Variants in ZP2 observed in about 807,000 individuals in gnomAD.
The protein encoded by ZP2 is zona pellucida sperm-binding protein 2.
In ZP2, 51 loss-of-function variants were observed where a neutral mutation model predicts 84.0. The ratio of observed to expected loss-of-function variants is 0.61; its 90% confidence interval spans 0.49 to 0.77. The LOEUF (loss-of-function observed/expected upper bound fraction) is 0.77. ZP2 is among the 30% of genes least tolerant of loss of function. The pLI, the probability that ZP2 is intolerant of heterozygous loss-of-function variation, is 0.00. For missense variants in ZP2, 909 were observed against 911.9 expected (o/e 1.00, Z 0.04); for synonymous variants, 375 against 330.9 (o/e 1.13, Z -1.45).
intron 3 of ZP2, 103 bp from the exon 4 acceptor site, chr16:21,209,828 T>TC: frequency 1.0e-6 from 1 of 990,392 alleles, no homozygotes; most frequent in South Asian, 1.4e-5. Flanking sequence ...GGTACTTCAG[T>TC]CCCTTCACTT....
chr16:21,211,815 A>G (rs922270795), upstream of ZP2: 7 of 1,397,402 alleles, frequency 5.0e-6, no homozygotes, highest in African/African-American at 5.8e-5. Context: ...TGTTTTCCCT[A>G]TAACTATGGG....
At chr16:21,209,524 G>C in intron 4 of ZP2, 107 bp downstream of exon 4, 1 of 938,764 alleles carries the variant, frequency 1.1e-6, no homozygotes, top group Non-Finnish European at 1.7e-6. Flanking sequence ...CCCCTTGGTT[G>C]AGAGCCACTG....
intron 13 of ZP2, 35 bp from the exon 14 acceptor site, chr16:21,201,593 G>A (rs1280808620): frequency 6.9e-6 from 11 of 1,601,478 alleles, no homozygotes; most frequent in South Asian, 1.1e-5. Flanking sequence ...GTTAATGGCT[G>A]CAACACAGAT....
chr16:21,200,267 G>T (rs918299754), intron 14 of ZP2, among the ~76,000 whole-genome samples: 2 of 152,066 alleles, frequency 1.3e-5, no homozygotes, highest in African/African-American at 4.8e-5. Flanking sequence ...GTGAAACCCC[G>T]TTTCTACTAA....
intron 3 of ZP2, 70 bp downstream of exon 3, chr16:21,210,039 A>G (rs1290892379): frequency 2.1e-5 from 30 of 1,419,038 alleles, no homozygotes; most frequent in African/African-American, 5.6e-5. Context: ...TCTGCTCCCC[A>G]AACAGGATTG....
intron 9 of ZP2, among the ~76,000 whole-genome samples, 175 bp from the exon 10 acceptor site, chr16:21,203,426 C>T (rs2093235421): frequency 6.6e-6 from 1 of 152,114 alleles, no homozygotes; most frequent in Admixed American, 6.5e-5. Context: ...GATGTATCCC[C>T]AGGCAGATTT....
At chr16:21,214,262 C>T (rs565680915), upstream of ZP2, 1,055 of 985,194 alleles carry the variant, frequency 1.1e-3, no homozygotes, top group Non-Finnish European at 1.2e-3. Context: ...GGACAGCCAC[C>T]GAACAAATGG....
intron 9 of ZP2, chr16:21,203,676 G>A (rs375124665): frequency 4.1e-5 from 16 of 385,632 alleles, no homozygotes; most frequent in East Asian, 2.4e-4. Flanking sequence ...GCAACAGTAC[G>A]GGACCCTTTT....
intron 17 of ZP2, 142 bp downstream of exon 17, chr16:21,198,637 C>CTACTTCTGA: frequency 1.5e-6 from 1 of 654,976 alleles, no homozygotes; most frequent in Non-Finnish European, 2.6e-6. Context: ...TAATAGAAGC[C>CTACTTCTGA]TACTTCTGGG....
In ZP2 at chr16:21,209,595, G is replaced by A. The variant is rs755585779; in HGVS notation, c.330+36C>T. 20 of 1,596,222 alleles carry A rather than the reference G, an allele frequency of 1.3e-5. No homozygotes were observed. In the Middle Eastern group the frequency reaches 5.0e-4, roughly 40 times the overall value. ...CTGCCAGTAACTCTTAGGTTACTAC[G>A]TACTTCCCCAAGAACTGCTCAAAGC... is the stretch of plus-strand genomic sequence containing the variant. On this transcript the variant is annotated intron_variant, in intron 4 of 18. Coordinates refer to ENST00000574091, the MANE Select transcript of ZP2 (RefSeq NM_001376232.1).
rs2093217208 is a variant in ZP2 at position 21,199,826 on chromosome 16, A to G, written c.1747T>C (p.Ser583Pro). ...YQTTFHPVGS[S>P]VTHPDHYQRF... Reference sequence around the variant, plus strand: ...TGATAGTGATCAGGATGGGTCACAGAGGAGCCGACTGGATGGAAGGTGGTC... The same window carrying G: ...TGATAGTGATCAGGATGGGTCACAGGGGAGCCGACTGGATGGAAGGTGGTC... The change falls in exon 15 of 19, where the codon TCT (serine) becomes CCT (proline). Residue 583 changes from serine (S) to proline (P), a missense_variant. Coordinates refer to ENST00000574091, the MANE Select transcript of ZP2 (RefSeq NM_001376232.1). 6.2e-7 allele frequency: 1 copy of G among 1,613,482 alleles called. No individual in the cohort carries two copies. The highest frequency in any genetic ancestry group is 1.7e-5 in the Admixed American group (1 of 59,996).
At chr16:21,213,939 C>A (rs2093283230), upstream of ZP2, among the ~76,000 whole-genome samples, 1 of 151,782 alleles carries the variant, frequency 6.6e-6, no homozygotes, top group South Asian at 2.1e-4. Context: ...ACTCAGAGCC[C>A]TATTGAGAAG....
chr16:21,213,070 A>C (rs2093280710), upstream of ZP2, among the ~76,000 whole-genome samples: 1 of 152,266 alleles, frequency 6.6e-6, no homozygotes, highest in Non-Finnish European at 1.5e-5. Flanking sequence ...TTTGAGATGG[A>C]GTCTTGCTCT....
At chr16:21,211,223 G>C in intron 2 of ZP2, 84 bp downstream of exon 2, 1 of 1,209,386 alleles carries the variant, frequency 8.3e-7, no homozygotes, top group South Asian at 1.3e-5. Flanking sequence ...GTCTGAGCCA[G>C]GCCTGTGTTT....
At chr16:21,214,273 C>T, upstream of ZP2, 4 of 985,348 alleles carry the variant, frequency 4.1e-6, no homozygotes, top group Non-Finnish European at 4.8e-6. Context: ...GAACAAATGG[C>T]TCTGGGCCCA....
chr16:21,199,116 G>A (rs2093212886), intron 16 of ZP2, among the ~76,000 whole-genome samples: 1 of 151,990 alleles, frequency 6.6e-6, no homozygotes, highest in Non-Finnish European at 1.5e-5. Flanking sequence ...AGGAGATTGA[G>A]ACCAGCCTGG....
rs560713407 is a variant in ZP2 at position 21,207,145 on chromosome 16, C to T, written c.331-155G>A. 1.4e-4 allele frequency among the ~76,000 whole-genome samples: 21 copies of T among 152,240 alleles called. No homozygotes were observed. The South Asian group carries it at 3.9e-3, about 29-fold the overall frequency. ...ATTCCCGTACCAGGAGACTAGCTAG[C>T]CCATTGTAATCTGTTAGTGAAGACT... is the stretch of plus-strand genomic sequence containing the variant. On this transcript the variant is annotated intron_variant, in intron 4 of 18. Transcript: ENST00000574091.
At position 21,211,413 on chromosome 16, in the gene ZP2, G is replaced by T; in HGVS notation, c.63-18C>A. ...TGTAGGTGCTGGAAAGAGACAGGGA[G>T]ATAGTCAAGGAAGAATGGACTTTAA... On this transcript the variant is annotated intron_variant, in intron 1 of 18. Coordinates refer to ENST00000574091, the MANE Select transcript of ZP2 (RefSeq NM_001376232.1). 6.2e-7 allele frequency: 1 copy of T among 1,614,112 alleles called. No individual in the cohort carries two copies. Among genetic ancestry groups the T allele is most frequent in the Non-Finnish European group, 8.5e-7 (1 of 1,179,992 alleles).
intron 17 of ZP2, chr16:21,198,086 A>C (rs576626563): frequency 9.4e-6 from 4 of 424,450 alleles, no homozygotes; most frequent in South Asian, 3.7e-5. Flanking sequence ...CAAGAAATTC[A>C]AGAGGATTTT....
Sources: allele counts gnomAD v4.1 joint callset (sites outside exome capture counted in the v4.1 genomes callset), GRCh38; gene constraint gnomAD v4.1.1; transcripts MANE v1.5; gene names NCBI Gene and HGNC (gene_info 2026-07-23, HGNC 2026-07-21).